Variants in ACTR1A observed in about 807,000 individuals in gnomAD.
ACTR1A encodes the protein actin related protein 1A, also known as alpha-centractin.
A neutral mutation model predicts 50.7 loss-of-function variants in ACTR1A; 10 were observed. The ratio of observed to expected loss-of-function variants is 0.20; its 90% confidence interval spans 0.12 to 0.33. The LOEUF (loss-of-function observed/expected upper bound fraction) is 0.33. Ranked by LOEUF, ACTR1A falls within the 10% of genes least tolerant of loss-of-function variation. The probability of loss-of-function intolerance (pLI) is 1.00; values close to 1 mark genes in which losing one functional copy is unlikely to be tolerated. For synonymous variants in ACTR1A, 177 were observed against 184.2 expected, an observed-to-expected ratio of 0.96 and a Z score of 0.32; for missense variants, 253 against 491.7, an observed-to-expected ratio of 0.51 and a Z score of 4.59.
chr10:102,483,554 C>A (rs1213406196), intron 6 of ACTR1A: 2 of 158,508 alleles, frequency 1.3e-5, no homozygotes, highest in African/African-American at 4.8e-5. Flanking sequence ...AATAAAAAAA[C>A]CAGGAGTGGG....
intron 1 of ACTR1A, among the ~76,000 whole-genome samples, chr10:102,496,495 A>G (rs535499961): frequency 7.3e-4 from 111 of 152,310 alleles, no homozygotes; most frequent in African/African-American, 2.0e-3. Flanking sequence ...TTACCCTCAG[A>G]GGACTTAGCT....
chr10:102,498,324 CTT>C (rs568599813), intron 1 of ACTR1A, among the ~76,000 whole-genome samples: 3 of 139,162 alleles, frequency 2.2e-5, no homozygotes, highest in African/African-American at 2.6e-5. Flanking sequence ...CTCTCTCTCT[CTT>C]TTTTTTTTTT....
In ACTR1A at chr10:102,481,887, T is replaced by G; in HGVS notation, c.937A>C (p.Arg313=). The G allele has an allele frequency of 6.2e-7, 1 of 1,612,806 alleles. No homozygotes were observed. The highest frequency in any genetic ancestry group is 8.5e-7 in the Non-Finnish European group (1 of 1,180,024). Residue 313 remains arginine (R), a synonymous_variant, in exon 9 of 11, where the codon AGG becomes CGG. Transcript: ENST00000369905. ...GSTLFKGFGD[R]LLSEVKKLAP... ...AGTTTCTTCACTTCACTCAGGAGCC[T>G]GTCACCAAAACCTGAATGGGCAAAG...
At chr10:102,486,773 C>A in intron 4 of ACTR1A, among the ~76,000 whole-genome samples, 1 of 149,674 alleles carries the variant, frequency 6.7e-6, no homozygotes, top group Admixed American at 6.8e-5. Context: ...CTGCACCTCT[C>A]TGCATTTTCT....
intron 4 of ACTR1A, among the ~76,000 whole-genome samples, chr10:102,487,655 G>A (rs866740661): frequency 2.1e-5 from 3 of 143,966 alleles, no homozygotes; most frequent in African/African-American, 2.6e-5. Flanking sequence ...TTTTTGGGAC[G>A]GAGTCTCACT....
chr10:102,500,544 G>C (rs112006886), intron 1 of ACTR1A, among the ~76,000 whole-genome samples: 1 of 151,812 alleles, frequency 6.6e-6, no homozygotes, highest in Non-Finnish European at 1.5e-5. Flanking sequence ...ACTCCAGCCT[G>C]GGCGACAGTG....
chr10:102,490,665 G>A (rs768358767), intron 1 of ACTR1A, 52 bp from the exon 2 acceptor site: 7 of 1,432,684 alleles, frequency 4.9e-6, no homozygotes, highest in South Asian at 2.3e-5. Flanking sequence ...AAATACAAAA[G>A]GAAAAATACA....
intron 1 of ACTR1A, among the ~76,000 whole-genome samples, chr10:102,501,169 G>A (rs2062249687): frequency 6.6e-6 from 1 of 151,252 alleles, no homozygotes; most frequent in African/African-American, 2.4e-5. Flanking sequence ...ATGGAGAGAA[G>A]GAAAATTTAA....
intron 10 of ACTR1A, 37 bp from the exon 11 acceptor site, chr10:102,481,002 G>A (rs1277935346): frequency 6.3e-7 from 1 of 1,590,422 alleles, no homozygotes; most frequent in Non-Finnish European, 8.6e-7. Flanking sequence ...GTGTGAGAGA[G>A]AAGTGGCTGT....
In ACTR1A at chr10:102,479,264, C is replaced by A. The variant is rs1164265925; in HGVS notation, c.*1599G>T. 1 of 552,182 alleles carries A rather than the reference C, an allele frequency of 1.8e-6. No individual in the cohort carries two copies. The highest frequency in any genetic ancestry group is 1.9e-5 in the African/African-American group (1 of 51,744). 34.2% of individuals were successfully genotyped at this position (552,182 alleles called of 1,614,324 possible). A position where few individuals can be genotyped will look rare whatever the true frequency, so the allele number is the denominator to read the frequency against. On this transcript the variant is annotated 3_prime_UTR_variant, in exon 11 of 11. Coordinates refer to ENST00000369905, the MANE Select transcript of ACTR1A (RefSeq NM_005736.4). This position sits in a 1 kb window ranked among gnomAD's most constrained non-coding sequence, Gnocchi z 4.0. ...ATCGGAACGACTTTATTTCAGTACA[C>A]TGGGCCCCACCAGGCAATGTGGTTT...
At chr10:102,492,291 G>A (rs1370881018) in intron 1 of ACTR1A, among the ~76,000 whole-genome samples, 5 of 151,440 alleles carry the variant, frequency 3.3e-5, no homozygotes, top group African/African-American at 4.9e-5. Context: ...GGCTGGTCTC[G>A]AACTCCTGAC....
At chr10:102,492,185 C>T (rs1443818180) in intron 1 of ACTR1A, among the ~76,000 whole-genome samples, 2 of 151,128 alleles carry the variant, frequency 1.3e-5, no homozygotes, top group Admixed American at 6.6e-5. Flanking sequence ...ATTCTCCTGC[C>T]TCAGCCTCCT....
At chr10:102,501,425 A>T (rs1312554919) in intron 1 of ACTR1A, among the ~76,000 whole-genome samples, 1 of 152,264 alleles carries the variant, frequency 6.6e-6, no homozygotes, top group African/African-American at 2.4e-5. Context: ...AGCTTACAAC[A>T]GAGGGAACTG....
Position 102,488,156 on chromosome 10 carries a change from T to C in ACTR1A, c.309A>G (p.Ser103=). The change falls in exon 4 of 11, where the codon TCA becomes TCG. Residue 103 remains serine (S), a synonymous_variant. Transcript: ENST00000369905. This position sits in a 1 kb window ranked among gnomAD's most constrained non-coding sequence, Gnocchi z 4.4. ...VYSKDQLQTF[S]EEHPVLLTEA... is the part of the protein sequence containing the mutation. ...CTACACACAGGATCCTCACCTCCTC[T>C]GAGAAAGTCTGCAGCTGGTCCTTAG... is the stretch of plus-strand genomic sequence containing the variant. 2 of 1,612,592 alleles carry C rather than the reference T, an allele frequency of 1.2e-6. No individual in the cohort carries two copies. The highest frequency in any genetic ancestry group is 1.7e-6 in the Non-Finnish European group (2 of 1,178,710).
In ACTR1A at chr10:102,502,664, C is replaced by A. The variant is rs781343656; in HGVS notation, c.-17G>T. On this transcript the variant is annotated 5_prime_UTR_variant, in exon 1 of 11. The change creates a new upstream start codon in the 5' untranslated region. Transcript: ENST00000369905. ...GGACTCCATGGCAGAGGAATCTCTC[C>A]TTCTGGGGAAGGAACTGCCCAGCCG... The A allele has an allele frequency of 1.2e-6, 2 of 1,614,048 alleles. No homozygotes were observed. Among genetic ancestry groups the A allele is most frequent in the African/African-American group, 2.7e-5 (2 of 74,958 alleles).
At chr10:102,496,408 T>C (rs1026616072) in intron 1 of ACTR1A, among the ~76,000 whole-genome samples, 1 of 152,234 alleles carries the variant, frequency 6.6e-6, no homozygotes, top group African/African-American at 2.4e-5. Flanking sequence ...AGGCATTGAA[T>C]TTGAAATCCC....
intron 1 of ACTR1A, among the ~76,000 whole-genome samples, chr10:102,502,037 G>A (rs921700222): frequency 1.3e-5 from 2 of 152,244 alleles, no homozygotes; most frequent in South Asian, 2.1e-4. Context: ...GGCTGAGACC[G>A]AAGGAAAACT....
chr10:102,483,026 A>G lies in ACTR1A; in HGVS notation c.735T>C (p.Asp245=). The G allele has an allele frequency of 6.2e-7, 1 of 1,614,032 alleles. No homozygotes were observed. The highest frequency in any genetic ancestry group is 8.5e-7 in the Non-Finnish European group (1 of 1,179,852). ...ETEKAQYYLP[D]GSTIEIGPSR... is the part of the protein sequence containing the mutation. Reference sequence around the variant, plus strand: ...GGCCACCTACCTCAATGGTGCTGCCATCAGGCAGGTAGTACTGAGCTTTCT... The same window carrying G: ...GGCCACCTACCTCAATGGTGCTGCCGTCAGGCAGGTAGTACTGAGCTTTCT... Residue 245 remains aspartate, a synonymous_variant, in exon 7 of 11, where the codon GAT becomes GAC. Coordinates refer to ENST00000369905, the MANE Select transcript of ACTR1A (RefSeq NM_005736.4).
At chr10:102,481,108 C>T (rs375595820) in intron 10 of ACTR1A, 24 bp downstream of exon 10, 87 of 1,606,434 alleles carry the variant, frequency 5.4e-5, no homozygotes, top group Non-Finnish European at 7.1e-5. Context: ...CTGTTCTGTT[C>T]TTACTCCTGG....
Sources: gnomAD v4.1 joint callset for allele counts (sites outside exome capture counted in the v4.1 genomes callset) on GRCh38, gnomAD v4.1.1 for gene constraint, Gnocchi (gnomAD v3.1) non-coding constraint, MANE v1.5 for transcripts, NCBI Gene and HGNC (gene_info 2026-07-23, HGNC 2026-07-21) for gene names.